Variants in IQSEC3 observed in about 807,000 individuals in gnomAD.
IQSEC3 encodes the protein IQ motif and SEC7 domain-containing protein 3.
Under a neutral mutation model 105.4 loss-of-function variants are expected in IQSEC3, and 50 were observed. The observed-to-expected ratio is 0.47, with a 90% CI of 0.38 to 0.60. The LOEUF (loss-of-function observed/expected upper bound fraction) is 0.60, where lower values mean the gene tolerates loss of function less well. Among genes scored for constraint, IQSEC3 ranks in the 20% least tolerant of loss-of-function variants. The pLI is 0.00. For missense variants in IQSEC3, 1,415 were observed against 1,630.0 expected, an observed-to-expected ratio of 0.87 and a Z score of 2.27; for synonymous variants, 708 against 746.0, an observed-to-expected ratio of 0.95 and a Z score of 0.83.
chr12:167,006 A>AT (rs1189737971), intron 11 of IQSEC3: 2 of 152,068 alleles, frequency 1.3e-5, no homozygotes, highest in Non-Finnish European at 2.9e-5. Flanking sequence ...GGTTCTGTTT[A>AT]TTTTTTTCTA....
At chr12:125,961 CT>C in intron 3 of IQSEC3, 49 bp downstream of exon 3, 1 of 1,449,326 alleles carries the variant, frequency 6.9e-7, no homozygotes, top group Middle Eastern at 2.4e-4. Context: ...AGGGGCCCTG[CT>C]TTGGGGGCTG....
In IQSEC3 at chr12:138,840, G is replaced by A. The variant is rs782168502; in HGVS notation, c.1477G>A (p.Ala493Thr). The A allele has an allele frequency of 2.5e-6, 4 of 1,611,864 alleles. No individual in the cohort carries two copies. In the African/African-American group the frequency reaches 5.3e-5, roughly 22 times the overall value. Residue 493 changes from alanine to threonine, a missense_variant, in exon 4 of 14, where the codon GCC becomes ACC. By Grantham distance (58) the Ala-to-Thr change is moderately conservative. This residue lies in a region of IQSEC3 where 720 missense variants were observed against 633.0 expected (regional missense o/e 1.14). Coordinates refer to ENST00000538872, the MANE Select transcript of IQSEC3 (RefSeq NM_001170738.2). This position sits in a 1 kb window ranked among gnomAD's most constrained non-coding sequence, Gnocchi z 7.1. ...MAFRDVTVQI[A>T]NQNISVSSST... ...TTTCCGGGACGTCACGGTGCAGATC[G>A]CCAACCAGAACATATCCGTCTCCTC...
In IQSEC3 at chr12:125,914, T is replaced by TAC. The variant is rs1555083307; in HGVS notation, c.903+3_903+4dup. 1.3e-6 allele frequency: 2 copies of TAC among 1,532,332 alleles called. No individual in the cohort carries two copies. The highest frequency in any genetic ancestry group is 4.9e-5 in the East Asian group (2 of 40,760). The allele number at this position is 1,532,332 out of a possible 1,614,324, so 94.9% of individuals were successfully genotyped here. A position where few individuals can be genotyped will look rare whatever the true frequency, so the allele number is the denominator to read the frequency against. On this transcript the variant is annotated splice_region_variant and intron_variant, in intron 3 of 13. Transcript: ENST00000538872. ...TCCCTTGACCTAAAGAATAAACAGGTACCCAGGGCCTCCTAGGGGGGCGGG... is the reference window on the plus strand; with the variant it reads ...TCCCTTGACCTAAAGAATAAACAGGTACACCCAGGGCCTCCTAGGGGGGCGGG...
At chr12:157,458 C>A (rs1591738136) in intron 6 of IQSEC3, 70 bp from the exon 7 acceptor site, 9 of 1,332,784 alleles carry the variant, frequency 6.8e-6, no homozygotes, top group Non-Finnish European at 8.9e-6. Context: ...TGGACACCCC[C>A]TTCCTTTGTT....
At chr12:145,950 G>A (rs572744386) in intron 5 of IQSEC3, among the ~76,000 whole-genome samples, 2 of 152,334 alleles carry the variant, frequency 1.3e-5, no homozygotes, top group South Asian at 2.1e-4. Flanking sequence ...CAGCTTCTGG[G>A]TTGAGCTGCC....
At chr12:125,260 G>A (rs1865348747) in intron 2 of IQSEC3, among the ~76,000 whole-genome samples, 1 of 152,200 alleles carries the variant, frequency 6.6e-6, no homozygotes, top group Non-Finnish European at 1.5e-5. Context: ...CTGTTACTGT[G>A]CCCATTTTAT....
rs1269439955 is a variant in IQSEC3, at chr12:177,789, T to G, written c.*2756T>G. The G allele has an allele frequency of 2.0e-5, 3 of 152,246 alleles. 1 individual carries two copies. Among genetic ancestry groups the G allele is most frequent in the Admixed American group, 1.3e-4 (2 of 15,264 alleles). 9.4% of individuals were successfully genotyped at this position (152,246 alleles called of 1,614,324 possible). ...AGACCTCAGGGACCTAGGAAAAGCC[T>G]CCTGCTCCCTCCCCACGGCAGCAGA... On this transcript the variant is annotated 3_prime_UTR_variant, in exon 14 of 14. Transcript: ENST00000538872. The surrounding 1 kb of genome is among the most constrained non-coding windows in gnomAD (Gnocchi z 5.3).
At position 122,244 on chromosome 12, in the gene IQSEC3, G is replaced by A. The variant is rs186910315; in HGVS notation, c.624-3389G>A. Among the ~76,000 whole-genome samples, 117 of 152,296 alleles carry A rather than the reference G, an allele frequency of 7.7e-4. 1 individual carries two copies. The highest frequency in any genetic ancestry group is 3.4e-3 in the Middle Eastern group (1 of 294). On this transcript the variant is annotated intron_variant, in intron 2 of 13. Coordinates refer to ENST00000538872, the MANE Select transcript of IQSEC3 (RefSeq NM_001170738.2). ...TGGGGCCAGTGGGCCTTGATAGGCC[G>A]GCCTCTGCCCTGGGATTCAAGCTCC...
chr12:98,038 T>G (rs1394439838), intron 1 of IQSEC3, among the ~76,000 whole-genome samples: 14 of 152,198 alleles, frequency 9.2e-5, no homozygotes, highest in Non-Finnish European at 1.8e-4. Flanking sequence ...AGATTTGGTT[T>G]GGACAAAGTG....
intron 2 of IQSEC3, among the ~76,000 whole-genome samples, chr12:108,466 T>C (rs1864757886): frequency 6.6e-6 from 1 of 152,238 alleles, no homozygotes; most frequent in East Asian, 1.9e-4. Context: ...CTGGACATTG[T>C]GTCTTTTACC....
At position 174,915 on chromosome 12, in the gene IQSEC3, C is replaced by T. The variant is rs1235862069; in HGVS notation, c.3431C>T (p.Thr1144Ile). 1.9e-6 allele frequency: 3 copies of T among 1,554,784 alleles called. No homozygotes were observed. Among genetic ancestry groups the T allele is most frequent in the Non-Finnish European group, 2.6e-6 (3 of 1,158,100 alleles). ...LGGPGSPVKV[T>I]HQPPLPPPPP... ...GGTCCCGGCTCTCCGGTCAAGGTCA[C>T]CCACCAGCCTCCGCTGCCCCCGCCC... Residue 1144 changes from threonine to isoleucine, a missense_variant, in exon 14 of 14, where the codon ACC (threonine) becomes ATC (isoleucine). Transcript: ENST00000538872.
chr12:174,503 T>G, intron 13 of IQSEC3, 96 bp from the exon 14 acceptor site: 1 of 1,103,312 alleles, frequency 9.1e-7, no homozygotes, highest in Non-Finnish European at 1.2e-6. Context: ...GGGCTGAGAG[T>G]GGGAGGGAGG....
chr12:130,237 A>G (rs1865543980), intron 3 of IQSEC3, among the ~76,000 whole-genome samples: 1 of 152,222 alleles, frequency 6.6e-6, no homozygotes, highest in Non-Finnish European at 1.5e-5. Flanking sequence ...GGCCAGCACC[A>G]GTGTTACTAC....
chr12:127,509 C>G (rs1865455118), intron 3 of IQSEC3, among the ~76,000 whole-genome samples: 4 of 151,904 alleles, frequency 2.6e-5, no homozygotes, highest in Non-Finnish European at 5.9e-5. Flanking sequence ...GAGTGAGACT[C>G]TGTCTCAAAA....
At chr12:75,284 G>A (rs572930685) in intron 1 of IQSEC3, among the ~76,000 whole-genome samples, 54 of 152,366 alleles carry the variant, frequency 3.5e-4, no homozygotes, top group Admixed American at 1.2e-3. Flanking sequence ...AGGAGCTGAA[G>A]GGCTCATGAG....
chr12:86,270 G>A (rs1361617653), intron 1 of IQSEC3, among the ~76,000 whole-genome samples: 1 of 152,182 alleles, frequency 6.6e-6, no homozygotes, highest in African/African-American at 2.4e-5. Flanking sequence ...AATGTCTTTG[G>A]CACTGGACTC....
intron 3 of IQSEC3, among the ~76,000 whole-genome samples, chr12:127,049 GA>G (rs1565415987): frequency 6.6e-6 from 1 of 152,092 alleles, no homozygotes. Context: ...TTCTCAAACC[GA>G]ATTATCCAAA....
chr12:158,154 A>C (rs1329700373), intron 7 of IQSEC3, among the ~76,000 whole-genome samples: 5 of 151,988 alleles, frequency 3.3e-5, no homozygotes, highest in Non-Finnish European at 5.9e-5. Context: ...GGACTGGCAG[A>C]GTGTGATGTG....
intron 2 of IQSEC3, among the ~76,000 whole-genome samples, chr12:109,196 G>A (rs1264082015): frequency 6.6e-6 from 1 of 152,184 alleles, no homozygotes; most frequent in Non-Finnish European, 1.5e-5. Context: ...CACATAAAAA[G>A]TCAGAATTCT....
Sources: gnomAD v4.1 joint callset for allele counts (sites outside exome capture counted in the v4.1 genomes callset) on GRCh38, gnomAD v4.1.1 for gene constraint, gnomAD v4.1.1 regional missense constraint, Gnocchi (gnomAD v3.1) non-coding constraint, MANE v1.5 for transcripts, NCBI Gene and HGNC (gene_info 2026-07-23, HGNC 2026-07-21) for gene names.